SNX29: variants seen among roughly 807,000 people sequenced by gnomAD.
SNX29 encodes sorting nexin 29.
In SNX29, 78 loss-of-function variants were observed where a neutral mutation model predicts 102.1. The observed-to-expected ratio is 0.76, with a 90% confidence interval of 0.64 to 0.92. The LOEUF (loss-of-function observed/expected upper bound fraction) is 0.92. SNX29 is among the 40% of genes least tolerant of loss of function. The pLI is 0.00. For missense variants in SNX29, 1,280 were observed against 1,061.7 expected (o/e 1.21, Z -2.86); for synonymous variants, 580 against 414.5 (o/e 1.40, Z -4.85).
At chr16:12,235,145 C>G (rs1431309321) in intron 14 of SNX29, among the ~76,000 whole-genome samples, 4 of 151,948 alleles carry the variant, frequency 2.6e-5, no homozygotes, top group Non-Finnish European at 5.9e-5. Flanking sequence ...TTGACCTTAT[C>G]AGATGAACTT....
At chr16:12,276,517 G>C (rs143325934) in intron 14 of SNX29, among the ~76,000 whole-genome samples, 8 of 152,216 alleles carry the variant, frequency 5.3e-5, no homozygotes, top group Admixed American at 2.0e-4. Context: ...AAGGCTACCC[G>C]CATCACTGGG....
At chr16:12,305,067 A>G (rs144784700) in intron 15 of SNX29, among the ~76,000 whole-genome samples, 64 of 152,332 alleles carry the variant, frequency 4.2e-4, no homozygotes, top group African/African-American at 1.4e-3. Flanking sequence ...GTAATTAGGA[A>G]CATCAATTAT....
In SNX29 at chr16:12,143,878, G is replaced by T. The variant is rs183592566; in HGVS notation, c.1595+14120G>T. 1.4e-3 allele frequency among the ~76,000 whole-genome samples: 213 copies of T among 152,290 alleles called. 1 individual carries two copies. Among genetic ancestry groups the T allele is most frequent in the South Asian group, 2.7e-3 (13 of 4,824 alleles). ...GAGCTTTTAAAATGGTTATGTCCAG[G>T]CTGCCCTCCAGACCAATTAAATCAG... On this transcript the variant is annotated intron_variant, in intron 13 of 20. Transcript: ENST00000566228.
chr16:12,385,981 C>T (rs750772827), intron 16 of SNX29, among the ~76,000 whole-genome samples: 2 of 152,196 alleles, frequency 1.3e-5, no homozygotes, highest in Non-Finnish European at 2.9e-5. Context: ...ACGATGTCTG[C>T]GAACCCAGCT....
intron 19 of SNX29, among the ~76,000 whole-genome samples, chr16:12,505,353 G>A (rs776188901): frequency 6.6e-6 from 1 of 151,834 alleles, no homozygotes; most frequent in Non-Finnish European, 1.5e-5. Flanking sequence ...TGTCTGGTGA[G>A]GGCCTATTTG....
At chr16:12,053,090 AGACCAGCCT>A (rs1185013528) in intron 8 of SNX29, 4 of 152,122 alleles carry the variant, frequency 2.6e-5, no homozygotes, top group African/African-American at 9.7e-5. Context: ...CAGGAGTTCT[AGACCAGCCT>A]GACCAACATG....
At chr16:12,557,019 C>A (rs763203507) in intron 20 of SNX29, among the ~76,000 whole-genome samples, 571 of 38,770 alleles carry the variant, frequency 0.015, 50 homozygotes, top group Non-Finnish European at 0.02. Context: ...TAATTTACCC[C>A]CCCCCCGCCC....
intron 11 of SNX29, chr16:12,090,354 C>T (rs900914772): frequency 2.6e-5 from 4 of 152,176 alleles, no homozygotes; most frequent in Non-Finnish European, 4.4e-5. Context: ...CTAGTTCTTC[C>T]GGGTTAGGAC....
intron 15 of SNX29, among the ~76,000 whole-genome samples, chr16:12,344,258 A>G (rs995167802): frequency 6.6e-6 from 1 of 152,202 alleles, no homozygotes; most frequent in Non-Finnish European, 1.5e-5. Context: ...ACAACCTCAC[A>G]AAGGGAGAGG....
chr16:12,441,873 C>T (rs1299950958), intron 18 of SNX29, among the ~76,000 whole-genome samples: 1 of 152,190 alleles, frequency 6.6e-6, no homozygotes, highest in Non-Finnish European at 1.5e-5. Flanking sequence ...CCTGCAACCT[C>T]CGCCTCCTGG....
At chr16:12,431,739 T>C (rs1413315360) in intron 18 of SNX29, among the ~76,000 whole-genome samples, 2 of 152,194 alleles carry the variant, frequency 1.3e-5, no homozygotes, top group Non-Finnish European at 2.9e-5. Context: ...GTGTTGCTCT[T>C]GGTCACAGCA....
intron 18 of SNX29, among the ~76,000 whole-genome samples, chr16:12,471,652 G>C (rs1320478185): frequency 1.3e-5 from 2 of 152,218 alleles, no homozygotes; most frequent in Non-Finnish European, 2.9e-5. Flanking sequence ...CCACAAGTTA[G>C]GGTGAAAGCT....
intron 14 of SNX29, among the ~76,000 whole-genome samples, chr16:12,239,952 C>T (rs2078051942): frequency 6.6e-6 from 1 of 152,182 alleles, no homozygotes; most frequent in Non-Finnish European, 1.5e-5. Context: ...ATTTGAAGTA[C>T]CTCTTCCCAG....
At chr16:12,449,499 C>A (rs1256106932) in intron 18 of SNX29, among the ~76,000 whole-genome samples, 1 of 152,076 alleles carries the variant, frequency 6.6e-6, no homozygotes, top group Non-Finnish European at 1.5e-5. Flanking sequence ...AAACCCAAAC[C>A]AAACTGGCTT....
chr16:12,130,776 A>C (rs143837292), intron 13 of SNX29, among the ~76,000 whole-genome samples: 2 of 150,702 alleles, frequency 1.3e-5, no homozygotes, highest in South Asian at 2.1e-4. Context: ...AGCCTGTCCT[A>C]TGCAGCATTC....
intron 1 of SNX29, among the ~76,000 whole-genome samples, chr16:11,996,821 G>T (rs934691273): frequency 1.1e-4 from 17 of 152,304 alleles, no homozygotes; most frequent in Non-Finnish European, 2.2e-4. Flanking sequence ...GGCCAGATGG[G>T]TCTATAGCCA....
chr16:12,441,232 C>A (rs926950337), intron 18 of SNX29, among the ~76,000 whole-genome samples: 3 of 151,752 alleles, frequency 2.0e-5, no homozygotes, highest in Non-Finnish European at 4.4e-5. Flanking sequence ...GGACTACAGG[C>A]GCCTGCCACT....
chr16:12,261,486 G>A (rs1312676144), intron 14 of SNX29, among the ~76,000 whole-genome samples: 11 of 141,216 alleles, frequency 7.8e-5, no homozygotes, highest in Non-Finnish European at 1.1e-4. Flanking sequence ...CTGTGTGCGC[G>A]CCCCCGGCTG....
chr16:12,118,336 T>TTTTTTTTTTTTTA (rs1555464077), intron 11 of SNX29, among the ~76,000 whole-genome samples: 1 of 145,358 alleles, frequency 6.9e-6, no homozygotes, highest in African/African-American at 2.6e-5. Flanking sequence ...TTTTTTTTTT[T>TTTTTTTTTTTTTA]ATGAGATGGA....
Sources: allele counts gnomAD v4.1 joint callset (sites outside exome capture counted in the v4.1 genomes callset), GRCh38; gene constraint gnomAD v4.1.1; transcripts MANE v1.5; gene names NCBI Gene and HGNC (gene_info 2026-07-23, HGNC 2026-07-21).